The following JADE1 variants were observed in gnomAD, a reference collection of about 807,000 sequenced individuals.
JADE1 encodes the protein protein Jade-1.
JADE1 carries 14 observed loss-of-function variants against 81.8 expected under a neutral mutation model. That is an observed-to-expected ratio of 0.17 (90% confidence interval 0.11 to 0.27). The LOEUF (loss-of-function observed/expected upper bound fraction) is 0.27, where lower values mean the gene tolerates loss of function less well. JADE1 is among the 10% of genes least tolerant of loss of function. JADE1 has a pLI of 1.00. For synonymous variants in JADE1, 353 were observed against 391.9 expected (o/e 0.90, Z 1.17); for missense variants, 690 against 1,047.9 (o/e 0.66, Z 4.71).
At position 128,871,464 on chromosome 4, in the gene JADE1, A is replaced by G. The variant is rs1462629559; in HGVS notation, c.1731A>G (p.Ala577=). ...TAGAGGACTTGAAGTGGCATTCTGC[A>G]TTCTTCAGAAAACAAATGGGTACTT... ...PKIEDLKWHS[A]FFRKQMGTSL... The change falls in exon 11 of 11, where the codon GCA becomes GCG. Residue 577 remains alanine, a synonymous_variant. Coordinates refer to ENST00000226319, the MANE Select transcript of JADE1 (RefSeq NM_199320.4). This position sits in a 1 kb window ranked among gnomAD's most constrained non-coding sequence, Gnocchi z 4.1. 6.2e-7 allele frequency: 1 copy of G among 1,614,198 alleles called. No homozygotes were observed. The highest frequency in any genetic ancestry group is 1.3e-5 in the African/African-American group (1 of 75,048).
intron 9 of JADE1, chr4:128,863,575 C>T (rs1347393258): frequency 1.0e-6 from 1 of 985,278 alleles, no homozygotes; most frequent in Non-Finnish European, 1.2e-6. Context: ...CTTCCCAGAC[C>T]AGGTTAGGAT....
rs753415981 is a variant in JADE1 at position 128,843,086 on chromosome 4, A to G, written c.138+48A>G. The G allele has an allele frequency of 1.8e-5, 27 of 1,466,660 alleles. No homozygotes were observed. In the South Asian group the frequency reaches 2.9e-4, roughly 16 times the overall value. 90.9% of individuals were successfully genotyped at this position (1,466,660 alleles called of 1,614,324 possible). On this transcript the variant is annotated intron_variant, in intron 3 of 10. Transcript: ENST00000226319. The stretch of plus-strand genomic sequence containing the variant: ...ACCGTGCATGAATATATGCTATCCC[A>G]TATGCCTAGTTGAGTGGTATCTATT...
At chr4:128,828,227 G>A (rs1380062147) in intron 1 of JADE1, among the ~76,000 whole-genome samples, 1 of 152,172 alleles carries the variant, frequency 6.6e-6, no homozygotes, top group Non-Finnish European at 1.5e-5. Flanking sequence ...GGTGTTGTGA[G>A]TAGCCATTTT....
intron 1 of JADE1, among the ~76,000 whole-genome samples, chr4:128,818,124 TTC>T (rs1464645725): frequency 6.6e-6 from 1 of 151,922 alleles, no homozygotes; most frequent in Non-Finnish European, 1.5e-5. Context: ...AGTTAGGGAC[TTC>T]TTTTTTTTTT....
chr4:128,810,626 T>C (rs1726262948), intron 1 of JADE1, among the ~76,000 whole-genome samples: 1 of 151,330 alleles, frequency 6.6e-6, no homozygotes, highest in South Asian at 2.1e-4. Flanking sequence ...TGTCCAAACA[T>C]AGGTGTGCGT....
chr4:128,837,570 C>T (rs909568116), intron 2 of JADE1, among the ~76,000 whole-genome samples: 20 of 152,156 alleles, frequency 1.3e-4, no homozygotes, highest in Admixed American at 9.2e-4. Context: ...GCCGCTAAAA[C>T]AAATAAACAG....
chr4:128,861,886 C>T lies in JADE1; in HGVS notation c.1164C>T (p.Ala388=), dbSNP rs373250097. ...LGKGAAQENG[A]PECSPRNPLE... ...AGGGGGCTGCACAGGAGAATGGGGC[C>T]CCTGAGTGTTCCCCCCGGAATCCGC... The change falls in exon 9 of 11, where the codon GCC becomes GCT. Residue 388 remains alanine (A), a synonymous_variant. Transcript: ENST00000226319. The T allele has an allele frequency of 2.5e-6, 4 of 1,614,068 alleles. No individual in the cohort carries two copies. Among genetic ancestry groups the T allele is most frequent in the Non-Finnish European group, 3.4e-6 (4 of 1,179,962 alleles).
At chr4:128,856,912 A>C (rs999791300) in intron 7 of JADE1, among the ~76,000 whole-genome samples, 5 of 152,176 alleles carry the variant, frequency 3.3e-5, no homozygotes, top group African/African-American at 1.2e-4. Context: ...GACTGAAGAA[A>C]ATGGTTTTTT....
intron 1 of JADE1, among the ~76,000 whole-genome samples, chr4:128,825,291 C>T (rs567552643): frequency 7.7e-4 from 117 of 152,320 alleles, no homozygotes; most frequent in South Asian, 2.1e-4. Context: ...ATGCCTGCCT[C>T]GGCCTCCCCA....
At chr4:128,842,881 A>G in intron 2 of JADE1, 72 bp from the exon 3 acceptor site, 1 of 1,383,506 alleles carries the variant, frequency 7.2e-7, no homozygotes. Context: ...AGTTTGGGTA[A>G]GAAAACCCCT....
At chr4:128,814,288 AG>A (rs1490680604) in intron 1 of JADE1, among the ~76,000 whole-genome samples, 2 of 152,206 alleles carry the variant, frequency 1.3e-5, no homozygotes, top group African/African-American at 4.8e-5. Flanking sequence ...ACAAACTTGG[AG>A]GACTAGGTGA....
chr4:128,820,008 ACTC>A (rs1727411056), intron 1 of JADE1, among the ~76,000 whole-genome samples: 1 of 152,096 alleles, frequency 6.6e-6, no homozygotes, highest in Non-Finnish European at 1.5e-5. Context: ...AAATCCATGT[ACTC>A]CTCTTTAAAA....
chr4:128,858,557 G>A (rs1730993137), intron 8 of JADE1, among the ~76,000 whole-genome samples: 1 of 151,772 alleles, frequency 6.6e-6, no homozygotes, highest in South Asian at 2.1e-4. Flanking sequence ...GGCAAAGTCG[G>A]TTTGTATTTT....
At chr4:128,831,886 C>T (rs897816713) in intron 2 of JADE1, 76 bp downstream of exon 2, 12 of 1,295,664 alleles carry the variant, frequency 9.3e-6, no homozygotes, top group South Asian at 7.1e-5. Flanking sequence ...TAATGTAATG[C>T]TTTAAATTGC....
At chr4:128,819,841 C>T (rs1727395053) in intron 1 of JADE1, among the ~76,000 whole-genome samples, 1 of 152,146 alleles carries the variant, frequency 6.6e-6, no homozygotes, top group Admixed American at 6.5e-5. Flanking sequence ...AGTGTACATC[C>T]AGGAGGAAGA....
chr4:128,834,584 G>C (rs1162553183), intron 2 of JADE1, among the ~76,000 whole-genome samples: 1 of 146,556 alleles, frequency 6.8e-6, no homozygotes. Flanking sequence ...GCCCAGGCTG[G>C]AGTACAGTGG....
chr4:128,871,227 G>T lies in JADE1; in HGVS notation c.1622-128G>T. The stretch of plus-strand genomic sequence containing the variant: ...TAAAAACCAAATTTGTACAAACTTG[G>T]TGGTGTAAGTGTTGTGTTGTTGGGT... On this transcript the variant is annotated intron_variant, in intron 10 of 10. Transcript: ENST00000226319. This position sits in a 1 kb window ranked among gnomAD's most constrained non-coding sequence, Gnocchi z 4.1. 1.1e-6 allele frequency: 1 copy of T among 883,114 alleles called. No homozygotes were observed. The highest frequency in any genetic ancestry group is 2.5e-5 in the Admixed American group (1 of 40,646). 54.7% of individuals were successfully genotyped at this position (883,114 alleles called of 1,614,324 possible).
chr4:128,850,146 T>C (rs1382622624), intron 5 of JADE1, among the ~76,000 whole-genome samples: 1 of 151,424 alleles, frequency 6.6e-6, no homozygotes, highest in Non-Finnish European at 1.5e-5. Flanking sequence ...ATACAAAAAT[T>C]AGCTAGGCGT....
intron 9 of JADE1, chr4:128,863,612 C>T (rs1301498636): frequency 2.3e-5 from 23 of 985,296 alleles, no homozygotes; most frequent in African/African-American, 3.5e-5. Flanking sequence ...GATTCCGGCC[C>T]TGGAAGAGGC....
Sources: allele counts gnomAD v4.1 joint callset (sites outside exome capture counted in the v4.1 genomes callset), GRCh38; gene constraint gnomAD v4.1.1; non-coding constraint Gnocchi (gnomAD v3.1); transcripts MANE v1.5; gene names NCBI Gene and HGNC (gene_info 2026-07-23, HGNC 2026-07-21).